Variants in RNF216 observed in about 807,000 individuals in gnomAD.
The protein encoded by RNF216 is E3 ubiquitin-protein ligase RNF216.
In RNF216, 72 loss-of-function variants were observed where a neutral mutation model predicts 110.8. The ratio of observed to expected loss-of-function variants is 0.65; its 90% CI spans 0.54 to 0.79. RNF216 has a LOEUF of 0.79. RNF216 is among the 30% of genes least tolerant of loss of function. The pLI is 0.00. For missense variants in RNF216, 1,342 were observed against 1,141.2 expected (o/e 1.18, Z -2.54); for synonymous variants, 495 against 407.5 (o/e 1.21, Z -2.59).
chr7:5,660,282 T>TGAGA (rs1789025872), intron 13 of RNF216, among the ~76,000 whole-genome samples: 1 of 59,942 alleles, frequency 1.7e-5, no homozygotes, highest in Non-Finnish European at 3.0e-5. Flanking sequence ...TTTTTTTTTT[T>TGAGA]TTTTTTTTTT....
At chr7:5,686,686 G>A (rs140481174) in intron 13 of RNF216, among the ~76,000 whole-genome samples, 58 of 152,324 alleles carry the variant, frequency 3.8e-4, no homozygotes, top group African/African-American at 1.2e-3. Context: ...CAAAGGTAGC[G>A]CTATTTGCGG....
chr7:5,687,394 C>CAAAAAAAAAAAAA (rs372177142), intron 13 of RNF216, among the ~76,000 whole-genome samples: 2 of 49,884 alleles, frequency 4.0e-5, no homozygotes, highest in African/African-American at 1.2e-4. Flanking sequence ...AACTCCACCT[C>CAAAAAAAAAAAAA]AAAAAAAAAA....
At chr7:5,636,220 T>G (rs1787388192) in intron 15 of RNF216, among the ~76,000 whole-genome samples, 1 of 152,218 alleles carries the variant, frequency 6.6e-6, no homozygotes, top group African/African-American at 2.4e-5. Context: ...TCTGTTCACT[T>G]ATGTGTCAAG....
rs936377997 is a variant in RNF216, at chr7:5,622,962, A to T, written c.2670T>A (p.Pro890=). 6.2e-7 allele frequency: 1 copy of T among 1,613,958 alleles called. No individual in the cohort carries two copies. The highest frequency in any genetic ancestry group is 1.1e-5 in the South Asian group (1 of 91,080). The part of the protein sequence containing the change: ...MGPIPAPYVP[P]LPNVRVNYDF... ...CATAGTTGACCCGCACGTTGGGCAG[A>T]GGGGGCACGTACGGGGCTGGGATAG... Residue 890 remains proline (P), a synonymous_variant, in exon 17 of 17, where the codon CCT becomes CCA. Transcript: ENST00000389902.
chr7:5,668,077 G>A (rs1370020114), intron 13 of RNF216, among the ~76,000 whole-genome samples: 1 of 152,126 alleles, frequency 6.6e-6, no homozygotes, highest in South Asian at 2.1e-4. Flanking sequence ...TCTGAACTTG[G>A]GGTTGACAAT....
intron 11 of RNF216, among the ~76,000 whole-genome samples, chr7:5,714,711 A>G (rs1792930317): frequency 6.6e-6 from 1 of 152,230 alleles, no homozygotes; most frequent in African/African-American, 2.4e-5. Flanking sequence ...GATCTTGTGT[A>G]AAGTAAGTTA....
chr7:5,660,355 A>T (rs1789033721), intron 13 of RNF216, among the ~76,000 whole-genome samples: 2 of 124,776 alleles, frequency 1.6e-5, no homozygotes, highest in Non-Finnish European at 3.1e-5. Context: ...GCAGTGGCGC[A>T]ATCTCGGCTC....
rs532027225 is a variant in RNF216 at position 5,725,561 on chromosome 7, G to A, written c.1390-123C>T. ...GTCTACCCAGCATGGCTAACAATTGGTAGTGGCAGCTGGGTGCGGTGGCTG... is the reference window on the plus strand; with the variant it reads ...GTCTACCCAGCATGGCTAACAATTGATAGTGGCAGCTGGGTGCGGTGGCTG... On this transcript the variant is annotated intron_variant, in intron 7 of 16. Coordinates refer to ENST00000389902, the MANE Select transcript of RNF216 (RefSeq NM_207111.4). 4.6e-6 allele frequency: 3 copies of A among 654,210 alleles called. No individual in the cohort carries two copies. In the East Asian group the frequency reaches 8.0e-5, roughly 17 times the overall value. The allele number at this position is 654,210 out of a possible 1,614,324, so 40.5% of individuals were successfully genotyped here.
At chr7:5,766,849 T>C (rs1411997561) in intron 1 of RNF216, 1 of 152,220 alleles carries the variant, frequency 6.6e-6, no homozygotes, top group East Asian at 1.9e-4. Context: ...TAAAATTCTA[T>C]ACAACTATAA....
At chr7:5,753,721 G>A (rs1795452562) in intron 2 of RNF216, among the ~76,000 whole-genome samples, 1 of 152,200 alleles carries the variant, frequency 6.6e-6, no homozygotes, top group African/African-American at 2.4e-5. Flanking sequence ...CATTGGCCGG[G>A]AGCAGTGGCT....
intron 5 of RNF216, among the ~76,000 whole-genome samples, chr7:5,734,164 A>G (rs2128646243): frequency 6.6e-6 from 1 of 152,328 alleles, no homozygotes; most frequent in East Asian, 1.9e-4. Context: ...GACAAGCAGG[A>G]GAATGTTCAC....
chr7:5,770,369 G>C (rs1342009520), intron 1 of RNF216, among the ~76,000 whole-genome samples: 1 of 151,862 alleles, frequency 6.6e-6, no homozygotes, highest in African/African-American at 2.4e-5. Context: ...GCTGAGGCAG[G>C]AGAATCACTT....
intron 13 of RNF216, among the ~76,000 whole-genome samples, chr7:5,657,399 C>A (rs974926364): frequency 6.6e-6 from 1 of 152,124 alleles, no homozygotes; most frequent in South Asian, 2.1e-4. Context: ...GAAACCCCAT[C>A]TCTACTAAAA....
chr7:5,703,237 T>C (rs982594065), intron 13 of RNF216, among the ~76,000 whole-genome samples: 1 of 152,264 alleles, frequency 6.6e-6, no homozygotes, highest in African/African-American at 2.4e-5. Context: ...TTGTCAACGC[T>C]ACTTCCTGAA....
chr7:5,772,013 C>T lies in RNF216; in HGVS notation c.-70+9528G>A, dbSNP rs1796524559. 2.6e-5 allele frequency among the ~76,000 whole-genome samples: 4 copies of T among 152,194 alleles called. No homozygotes were observed. In the South Asian group the frequency reaches 8.3e-4, roughly 31 times the overall value. ...CTTTGGAAGGCCGAGGCGGGTGGAT[C>T]ACCTGAGCTCAGGAGTTCGAGACCA... On this transcript the variant is annotated intron_variant, in intron 1 of 16. Transcript: ENST00000389902.
chr7:5,667,966 C>T (rs542941783), intron 13 of RNF216, among the ~76,000 whole-genome samples: 7 of 152,246 alleles, frequency 4.6e-5, no homozygotes, highest in African/African-American at 7.2e-5. Flanking sequence ...CAGGGTACAG[C>T]GCAGCTTCAA....
chr7:5,709,796 C>T (rs542870906), intron 13 of RNF216, among the ~76,000 whole-genome samples: 1 of 152,268 alleles, frequency 6.6e-6, no homozygotes, highest in East Asian at 1.9e-4. Context: ...AGTCTGTTGT[C>T]CAGGCTAGAG....
At chr7:5,682,518 C>T (rs777384482) in intron 13 of RNF216, among the ~76,000 whole-genome samples, 2 of 151,852 alleles carry the variant, frequency 1.3e-5, no homozygotes, top group Non-Finnish European at 2.9e-5. Context: ...AGCGATTCTC[C>T]TGCCTCAGCC....
At chr7:5,697,913 G>A (rs1791727850) in intron 13 of RNF216, among the ~76,000 whole-genome samples, 1 of 152,094 alleles carries the variant, frequency 6.6e-6, no homozygotes, top group African/African-American at 2.4e-5. Context: ...GGGAGAGAAG[G>A]GCAAAAGGAC....
Sources: gnomAD v4.1 joint callset for allele counts (sites outside exome capture counted in the v4.1 genomes callset) on GRCh38, gnomAD v4.1.1 for gene constraint, MANE v1.5 for transcripts, NCBI Gene and HGNC (gene_info 2026-07-23, HGNC 2026-07-21) for gene names.